ZRANB3: variants seen among roughly 807,000 people sequenced by gnomAD.
ZRANB3 encodes zinc finger RANBP2-type containing 3.
A neutral mutation model predicts 133.8 loss-of-function variants in ZRANB3; 125 were observed. That is an observed-to-expected ratio of 0.93 (90% CI 0.81 to 1.08). ZRANB3 has a LOEUF of 1.08. Among genes scored for constraint, ZRANB3 ranks in the 50% least tolerant of loss-of-function variants. The probability of loss-of-function intolerance (pLI) is 0.00; values close to 1 mark genes in which losing one functional copy is unlikely to be tolerated. For missense variants in ZRANB3, 1,229 were observed against 1,275.5 expected (o/e 0.96, Z 0.56); for synonymous variants, 387 against 432.7 (o/e 0.89, Z 1.31).
chr2:135,433,189 C>G (rs1291137416), intron 2 of ZRANB3, among the ~76,000 whole-genome samples: 1 of 152,032 alleles, frequency 6.6e-6, no homozygotes, highest in Non-Finnish European at 1.5e-5. Context: ...ATCAGAGTTC[C>G]CAGCCTGGGC....
chr2:135,346,255 C>G (rs1016585043), intron 5 of ZRANB3, among the ~76,000 whole-genome samples: 6 of 152,098 alleles, frequency 3.9e-5, no homozygotes. Flanking sequence ...CACCACCATG[C>G]CCGGCTAATT....
chr2:135,246,616 T>C (rs962172360), intron 12 of ZRANB3, among the ~76,000 whole-genome samples: 2 of 152,158 alleles, frequency 1.3e-5, no homozygotes, highest in Non-Finnish European at 2.9e-5. Flanking sequence ...ACAAAGCTTA[T>C]GAGAAAAATA....
Position 135,504,166 on chromosome 2 carries a change from GA to G in ZRANB3, c.161+162del, listed in dbSNP as rs757791063. 8 of 766,538 alleles carry G rather than the reference GA, an allele frequency of 1.0e-5. No individual in the cohort carries two copies. In the South Asian group the frequency reaches 1.2e-4, roughly 11 times the overall value. The allele number at this position is 766,538 out of a possible 1,614,324, so 47.5% of individuals were successfully genotyped here. A position where few individuals can be genotyped will look rare whatever the true frequency, so the allele number is the denominator to read the frequency against. On this transcript the variant is annotated intron_variant, in intron 2 of 20. Coordinates refer to ENST00000264159, the MANE Select transcript of ZRANB3 (RefSeq NM_032143.4). ...CAATTGGTTCAATATATTTCAACAT[GA>G]AGTATAAGTCAACCATAGTAAATGG...
intron 2 of ZRANB3, among the ~76,000 whole-genome samples, chr2:135,480,827 A>T (rs1574171802): frequency 8.0e-6 from 1 of 124,740 alleles, no homozygotes; most frequent in East Asian, 2.4e-4. Flanking sequence ...ATGTGATCTC[A>T]TTGTTCAATT....
chr2:135,386,696 C>T (rs748209330), intron 3 of ZRANB3, among the ~76,000 whole-genome samples: 2 of 152,164 alleles, frequency 1.3e-5, no homozygotes, highest in African/African-American at 4.8e-5. Flanking sequence ...TTTGCAGAGA[C>T]ATGGATGAAG....
chr2:135,481,557 T>C (rs1355525914), intron 2 of ZRANB3, among the ~76,000 whole-genome samples: 2 of 152,028 alleles, frequency 1.3e-5, no homozygotes, highest in African/African-American at 2.4e-5. Flanking sequence ...TTCTCCCATT[T>C]TGTAGGTTGC....
At chr2:135,484,174 T>C (rs1691983752) in intron 2 of ZRANB3, among the ~76,000 whole-genome samples, 1 of 152,226 alleles carries the variant, frequency 6.6e-6, no homozygotes, top group South Asian at 2.1e-4. Context: ...CCTTGTTGAC[T>C]TTCTACAAAG....
intron 3 of ZRANB3, among the ~76,000 whole-genome samples, chr2:135,372,335 T>C (rs143915681): frequency 8.0e-4 from 121 of 152,172 alleles, no homozygotes; most frequent in Admixed American, 1.9e-3. Context: ...GAGAAATACA[T>C]ATTTGTTTTT....
intron 6 of ZRANB3, among the ~76,000 whole-genome samples, chr2:135,335,692 C>CAAACA (rs554931885): frequency 0.031 from 4,631 of 151,794 alleles, 204 homozygotes; most frequent in African/African-American, 0.097. Flanking sequence ...GACTCTGTCT[C>CAAACA]AAACAAAACA....
intron 2 of ZRANB3, among the ~76,000 whole-genome samples, chr2:135,425,671 A>C (rs1163332370): frequency 1.3e-5 from 2 of 152,304 alleles, no homozygotes; most frequent in Admixed American, 1.3e-4. Flanking sequence ...ACATACCAGA[A>C]TCTCTGGAAT....
intron 2 of ZRANB3, among the ~76,000 whole-genome samples, chr2:135,418,410 A>C (rs957548845): frequency 6.6e-6 from 1 of 152,224 alleles, no homozygotes; most frequent in African/African-American, 2.4e-5. Context: ...TTCTGGCCCA[A>C]GAATAAGAAT....
At chr2:135,417,236 T>A (rs1688625652) in intron 2 of ZRANB3, among the ~76,000 whole-genome samples, 1 of 152,026 alleles carries the variant, frequency 6.6e-6, no homozygotes, top group Non-Finnish European at 1.5e-5. Flanking sequence ...ATATCCAGAA[T>A]CTACAATGAA....
At chr2:135,426,303 G>A (rs766090768) in intron 2 of ZRANB3, among the ~76,000 whole-genome samples, 29 of 152,192 alleles carry the variant, frequency 1.9e-4, no homozygotes, top group Non-Finnish European at 3.2e-4. Flanking sequence ...CCAAAAAATT[G>A]AGGGGGAGGG....
At chr2:135,287,845 G>A (rs1243828510) in intron 8 of ZRANB3, among the ~76,000 whole-genome samples, 1 of 151,928 alleles carries the variant, frequency 6.6e-6, no homozygotes, top group Non-Finnish European at 1.5e-5. Context: ...TGAGTCTTTA[G>A]GGTTTTCTGG....
chr2:135,398,535 T>A (rs1200987603), intron 2 of ZRANB3, among the ~76,000 whole-genome samples: 1 of 150,026 alleles, frequency 6.7e-6, no homozygotes, highest in African/African-American at 2.5e-5. Flanking sequence ...TTTTTTTTTT[T>A]TGAGATGGAG....
At chr2:135,400,096 C>T (rs1687668502) in intron 2 of ZRANB3, among the ~76,000 whole-genome samples, 1 of 151,760 alleles carries the variant, frequency 6.6e-6, no homozygotes, top group African/African-American at 2.4e-5. Context: ...AAAAATTAGC[C>T]GAGCGTGGAA....
At chr2:135,445,608 T>A (rs1190106815) in intron 2 of ZRANB3, among the ~76,000 whole-genome samples, 1 of 152,140 alleles carries the variant, frequency 6.6e-6, no homozygotes, top group Non-Finnish European at 1.5e-5. Context: ...CCAGGTGCAG[T>A]GGCTCACACC....
chr2:135,299,054 C>T (rs1390702684), intron 8 of ZRANB3, among the ~76,000 whole-genome samples: 1 of 152,116 alleles, frequency 6.6e-6, no homozygotes, highest in African/African-American at 2.4e-5. Flanking sequence ...GGGCGATGGA[C>T]AGGACTATAT....
At chr2:135,386,266 G>A (rs1686966193) in intron 3 of ZRANB3, among the ~76,000 whole-genome samples, 1 of 152,200 alleles carries the variant, frequency 6.6e-6, no homozygotes, top group African/African-American at 2.4e-5. Flanking sequence ...GCTCATCAGA[G>A]ATATGCAAAT....
Sources: allele counts gnomAD v4.1 joint callset (sites outside exome capture counted in the v4.1 genomes callset), GRCh38; gene constraint gnomAD v4.1.1; transcripts MANE v1.5; gene names NCBI Gene and HGNC (gene_info 2026-07-23, HGNC 2026-07-21).